TM9SF4: variants seen among roughly 807,000 people sequenced by gnomAD.
TM9SF4 encodes the protein dinucleotide oxidase disulfide thiol exchanger 3 superfamily member 4.
A neutral mutation model predicts 90.4 loss-of-function variants in TM9SF4; 26 were observed. The ratio of observed to expected loss-of-function variants is 0.29; its 90% CI spans 0.21 to 0.40. TM9SF4 has a LOEUF of 0.40. Ranked by LOEUF, TM9SF4 falls within the 10% of genes least tolerant of loss-of-function variation. The pLI is 1.00. For synonymous variants in TM9SF4, 293 were observed against 315.4 expected, an observed-to-expected ratio of 0.93 and a Z score of 0.75; for missense variants, 549 against 834.8, an observed-to-expected ratio of 0.66 and a Z score of 4.22.
In TM9SF4 at chr20:32,167,126, C is replaced by T. The variant is rs2047109197; in HGVS notation, c.*1682C>T. On this transcript the variant is annotated 3_prime_UTR_variant, in exon 18 of 18. Transcript: ENST00000398022. ...CTTTTTAGGGGGAATGGGAAACGGACACCTCATAAAGGGTTCAAAGATCAT... is the reference window on the plus strand; with the variant it reads ...CTTTTTAGGGGGAATGGGAAACGGATACCTCATAAAGGGTTCAAAGATCAT... The T allele has an allele frequency of 6.6e-6, 1 of 151,924 alleles. No individual in the cohort carries two copies. The highest frequency in any genetic ancestry group is 2.1e-4 in the South Asian group (1 of 4,820). The allele number at this position is 151,924 out of a possible 1,614,324, so 9.4% of individuals were successfully genotyped here. A position where few individuals can be genotyped will look rare whatever the true frequency, so the allele number is the denominator to read the frequency against.
At chr20:32,150,538 G>A in intron 10 of TM9SF4, 84 bp from the exon 11 acceptor site, 1 of 1,542,466 alleles carries the variant, frequency 6.5e-7, no homozygotes, top group Non-Finnish European at 8.9e-7. Flanking sequence ...GTCCAAGGTG[G>A]GCCTGGGGCT....
intron 15 of TM9SF4, 72 bp downstream of exon 15, chr20:32,158,586 GCTGCCTACTGC>G (rs2046966235): frequency 6.7e-7 from 1 of 1,499,186 alleles, no homozygotes; most frequent in African/African-American, 1.4e-5. Context: ...CGGGTGCTCT[GCTGCCTACTGC>G]CTGAGAAAGT....
At chr20:32,136,001 C>A in intron 2 of TM9SF4, 73 bp from the exon 3 acceptor site, 1 of 1,329,018 alleles carries the variant, frequency 7.5e-7, no homozygotes, top group Non-Finnish European at 1.1e-6. Context: ...GTTAATATTA[C>A]CAAGTGTACT....
intron 17 of TM9SF4, among the ~76,000 whole-genome samples, chr20:32,162,133 G>A (rs1347225087): frequency 6.6e-6 from 1 of 152,130 alleles, no homozygotes; most frequent in Non-Finnish European, 1.5e-5. Flanking sequence ...GCCCTGTTGG[G>A]CCCCTCACCT....
intron 17 of TM9SF4, among the ~76,000 whole-genome samples, chr20:32,161,721 A>T (rs1372454568): frequency 6.6e-6 from 1 of 152,236 alleles, no homozygotes; most frequent in African/African-American, 2.4e-5. Context: ...AAAGGAAAAG[A>T]TAAGAGTAAC....
chr20:32,147,085 A>G (rs1030727327), intron 9 of TM9SF4, among the ~76,000 whole-genome samples: 5 of 151,504 alleles, frequency 3.3e-5, no homozygotes, highest in South Asian at 2.1e-4. Context: ...GGTTCAAGCA[A>G]TTCCCCACCT....
intron 3 of TM9SF4, among the ~76,000 whole-genome samples, chr20:32,141,216 C>CAAAAAA (rs71185383): frequency 2.3e-4 from 6 of 26,008 alleles, no homozygotes; most frequent in South Asian, 1.5e-3. Flanking sequence ...GACTCCATCT[C>CAAAAAA]AAAAAAAAAA....
In TM9SF4 at chr20:32,132,200, T is replaced by TG. The variant is rs1333159806; in HGVS notation, c.16-812dup. Reference sequence around the variant, plus strand: ...GGGCAGATCACCTGAGGTCAGGAGTTGAAGACCAGCCCGGGCAATGTGGTG... The same window carrying TG: ...GGGCAGATCACCTGAGGTCAGGAGTTGGAAGACCAGCCCGGGCAATGTGGTG... On this transcript the variant is annotated intron_variant, in intron 1 of 17. Transcript: ENST00000398022. Among the ~76,000 whole-genome samples, 3 of 152,190 alleles carry TG rather than the reference T, an allele frequency of 2.0e-5. No homozygotes were observed. The East Asian group carries it at 5.8e-4, about 29-fold the overall frequency.
At chr20:32,141,693 T>C (rs1190716658) in intron 4 of TM9SF4, 28 bp downstream of exon 4, 1 of 1,613,430 alleles carries the variant, frequency 6.2e-7, no homozygotes, top group Non-Finnish European at 8.5e-7. Context: ...CCTTGCTGCC[T>C]CAGGCTCACA....
At chr20:32,142,142 G>A (rs1180673528) in intron 5 of TM9SF4, among the ~76,000 whole-genome samples, 1 of 151,940 alleles carries the variant, frequency 6.6e-6, no homozygotes, top group African/African-American at 2.4e-5. Context: ...AAAAAAAACC[G>A]TGGAACTTCA....
intron 8 of TM9SF4, 72 bp downstream of exon 8, chr20:32,145,495 T>TG (rs2046751174): frequency 2.2e-6 from 3 of 1,365,622 alleles, no homozygotes; most frequent in South Asian, 1.2e-5. Flanking sequence ...ACATCATGTA[T>TG]GGGGGACTTC....
intron 13 of TM9SF4, among the ~76,000 whole-genome samples, chr20:32,156,588 T>C (rs1039359550): frequency 6.6e-6 from 1 of 152,240 alleles, no homozygotes; most frequent in Non-Finnish European, 1.5e-5. Flanking sequence ...ATATTGTTTT[T>C]TAATTTGTAT....
intron 12 of TM9SF4, among the ~76,000 whole-genome samples, chr20:32,152,423 A>G (rs1257317719): frequency 4.7e-5 from 7 of 150,284 alleles, no homozygotes; most frequent in East Asian, 2.0e-4. Flanking sequence ...GAAGCTGCCT[A>G]TCCTCCTCCT....
chr20:32,144,024 C>T (rs1268297029), intron 6 of TM9SF4, among the ~76,000 whole-genome samples: 1 of 152,132 alleles, frequency 6.6e-6, no homozygotes, highest in East Asian at 1.9e-4. Flanking sequence ...CCGCTCACTG[C>T]AACCTGCGTC....
intron 12 of TM9SF4, among the ~76,000 whole-genome samples, chr20:32,154,415 A>AT (rs2046887468): frequency 6.6e-6 from 1 of 151,418 alleles, no homozygotes; most frequent in African/African-American, 2.4e-5. Context: ...TCAAAAAAAA[A>AT]ATTTTTTTAC....
In TM9SF4 at chr20:32,136,231, T is replaced by G. The variant is rs983093050; in HGVS notation, c.229+58T>G. On this transcript the variant is annotated intron_variant, in intron 3 of 17. Coordinates refer to ENST00000398022, the MANE Select transcript of TM9SF4 (RefSeq NM_014742.4). ...TCCCCAGGGGGAACCCAGCATGATTTTTATAATGATAACAACAGTTAACTT... is the reference window on the plus strand; with the variant it reads ...TCCCCAGGGGGAACCCAGCATGATTGTTATAATGATAACAACAGTTAACTT... 1.0e-5 allele frequency: 15 copies of G among 1,500,744 alleles called. No homozygotes were observed. The African/African-American group carries it at 1.9e-4, about 19-fold the overall frequency. The allele number at this position is 1,500,744 out of a possible 1,614,324, so 93.0% of individuals were successfully genotyped here.
In TM9SF4 at chr20:32,121,413, C is replaced by G. The variant is rs1422453525; in HGVS notation, c.16-11600C>G. ...GGGAGTGGTGATGACTCTTAATGAG[C>G]ATGCTGCCTTCAAGCATCTGTTTAA... On this transcript the variant is annotated intron_variant, in intron 1 of 17. Transcript: ENST00000398022. Among the ~76,000 whole-genome samples the G allele has an allele frequency of 5.9e-5, 9 of 152,088 alleles. 1 individual carries two copies. In the South Asian group the frequency reaches 1.9e-3, roughly 32 times the overall value.
chr20:32,165,692 A>G lies in TM9SF4; in HGVS notation c.*248A>G, dbSNP rs41293126. The G allele has an allele frequency of 0.015, 7,555 of 498,544 alleles. 87 individuals carry two copies. The highest frequency in any genetic ancestry group is 0.021 in the Non-Finnish European group (5,753 of 275,898). The allele number at this position is 498,544 out of a possible 1,614,324, so 30.9% of individuals were successfully genotyped here. On this transcript the variant is annotated 3_prime_UTR_variant, in exon 18 of 18. Transcript: ENST00000398022. ...GGGTTGCTTTTTCTTCAGTGCTAAGAAAGTTCCCTCCAACAGGAACTCTCT... is the reference window on the plus strand; with the variant it reads ...GGGTTGCTTTTTCTTCAGTGCTAAGGAAGTTCCCTCCAACAGGAACTCTCT...
chr20:32,119,695 ATTTT>A (rs2046277163), intron 1 of TM9SF4, among the ~76,000 whole-genome samples: 1 of 151,836 alleles, frequency 6.6e-6, no homozygotes, highest in African/African-American at 2.4e-5. Flanking sequence ...ATTTATTATA[ATTTT>A]TTTAATGGAT....
Sources: allele counts gnomAD v4.1 joint callset (sites outside exome capture counted in the v4.1 genomes callset), GRCh38; gene constraint gnomAD v4.1.1; transcripts MANE v1.5; gene names NCBI Gene and HGNC (gene_info 2026-07-23, HGNC 2026-07-21).